RAB40B: variants seen among roughly 807,000 people sequenced by gnomAD.
The protein encoded by RAB40B is RAB40B, member RAS oncogene family.
RAB40B carries 21 observed loss-of-function variants against 24.0 expected under a neutral mutation model. The ratio of observed to expected loss-of-function variants is 0.88; its 90% CI spans 0.62 to 1.26. The LOEUF (loss-of-function observed/expected upper bound fraction) is 1.26, where lower values mean the gene tolerates loss of function less well. Ranked by LOEUF, RAB40B falls within the 50% of genes most tolerant of loss-of-function variation. RAB40B has a pLI of 0.00. For synonymous variants in RAB40B, 167 were observed against 169.8 expected, an observed-to-expected ratio of 0.98 and a Z score of 0.13; for missense variants, 348 against 390.5, an observed-to-expected ratio of 0.89 and a Z score of 0.92.
chr17:82,689,966 C>CAA (rs34923378), intron 1 of RAB40B, among the ~76,000 whole-genome samples: 18,447 of 139,586 alleles, frequency 0.13, 1,318 homozygotes, highest in Middle Eastern at 0.18. Context: ...AACTTCATCT[C>CAA]AAAAAAAAAA....
intron 1 of RAB40B, among the ~76,000 whole-genome samples, chr17:82,666,679 G>C (rs1368558139): frequency 6.6e-6 from 1 of 151,962 alleles, no homozygotes; most frequent in African/African-American, 2.4e-5. Flanking sequence ...CTGTCATTGA[G>C]AACATGGAAA....
In RAB40B at chr17:82,657,838, C is replaced by T. The variant is rs202229377; in HGVS notation, c.*25G>A. On this transcript the variant is annotated 3_prime_UTR_variant, in exon 6 of 6. Coordinates refer to ENST00000571995, the MANE Select transcript of RAB40B (RefSeq NM_006822.3). ...CGCCGAGCTTCTCCTGGAGAGATTC[C>T]GCCGTGTTTCTTTCAGTGCCTTCCT... 9.3e-6 allele frequency: 15 copies of T among 1,610,636 alleles called. No homozygotes were observed. In the East Asian group the frequency reaches 1.1e-4, roughly 12 times the overall value.
chr17:82,674,079 G>A (rs977717192), intron 1 of RAB40B, among the ~76,000 whole-genome samples: 17 of 152,212 alleles, frequency 1.1e-4, no homozygotes, highest in East Asian at 3.8e-4. Context: ...GGTGGCTCGC[G>A]CCTGTAATCC....
rs546095122 is a variant in RAB40B, at chr17:82,657,483, G to A, written c.*380C>T. 2.0e-5 allele frequency: 7 copies of A among 354,910 alleles called. No homozygotes were observed. Among genetic ancestry groups the A allele is most frequent in the Non-Finnish European group, 2.7e-5 (5 of 182,838 alleles). 22.0% of individuals were successfully genotyped at this position (354,910 alleles called of 1,614,324 possible). A position where few individuals can be genotyped will look rare whatever the true frequency, so the allele number is the denominator to read the frequency against. On this transcript the variant is annotated 3_prime_UTR_variant, in exon 6 of 6. Coordinates refer to ENST00000571995, the MANE Select transcript of RAB40B (RefSeq NM_006822.3). ...AATATCAGTGACTCTAAATTATCCC[G>A]CTGCCATTGCTTCTCAAATTCCATT...
intron 2 of RAB40B, 42 bp from the exon 3 acceptor site, chr17:82,661,089 T>TC (rs766461100): frequency 6.2e-7 from 1 of 1,608,106 alleles, no homozygotes; most frequent in Non-Finnish European, 8.5e-7. Context: ...AACCAGTGCT[T>TC]CTTCCTGACA....
rs2046636254 is a variant in RAB40B at position 82,698,458 on chromosome 17, C to T, written c.139G>A (p.Ala47Thr). The T allele has an allele frequency of 6.8e-7, 1 of 1,464,688 alleles. No homozygotes were observed. The highest frequency in any genetic ancestry group is 1.5e-5 in the African/African-American group (1 of 68,048). 90.7% of individuals were successfully genotyped at this position (1,464,688 alleles called of 1,614,324 possible). The stretch of plus-strand genomic sequence containing the variant: ...CACGCCCTCCGCCCGCGCTCACCCG[C>T]CGGGTGGCCGTACGGGGACTCGGCC... ...GAAESPYGHP[A>T]GIDYKTTTIL... Residue 47 changes from alanine (A) to threonine (T), a missense_variant, in exon 1 of 6, where the codon GCG becomes ACG. Around this residue, in one of 3 missense-constraint regions of RAB40B, gnomAD observed 101 missense variants for 85.5 expected, o/e 1.18. Coordinates refer to ENST00000571995, the MANE Select transcript of RAB40B (RefSeq NM_006822.3).
Position 82,660,273 on chromosome 17 carries a change from GCA to G in RAB40B, c.265-618_265-617del, listed in dbSNP as rs575963751. Among the ~76,000 whole-genome samples, 651 of 151,122 alleles carry G rather than the reference GCA, an allele frequency of 4.3e-3. 3 individuals carry two copies. Among genetic ancestry groups the G allele is most frequent in the African/African-American group, 0.01 (430 of 41,028 alleles). ...CACATGCATGCACATAAACAGGCAA[GCA>G]CACACGTACACATTACACACACAAG... is the stretch of plus-strand genomic sequence containing the variant. On this transcript the variant is annotated intron_variant, in intron 3 of 5. Transcript: ENST00000571995.
At chr17:82,668,958 G>A (rs184005426) in intron 1 of RAB40B, among the ~76,000 whole-genome samples, 53 of 152,372 alleles carry the variant, frequency 3.5e-4, no homozygotes, top group African/African-American at 9.4e-4. Context: ...GGCACGCGGC[G>A]TAGCCTCCAT....
intron 1 of RAB40B, among the ~76,000 whole-genome samples, chr17:82,688,751 T>C (rs1235755989): frequency 6.6e-6 from 1 of 151,862 alleles, no homozygotes; most frequent in Non-Finnish European, 1.5e-5. Context: ...CTGGCCAACA[T>C]AGTGAAACCC....
At position 82,657,813 on chromosome 17, in the gene RAB40B, C is replaced by G. The variant is rs752874827; in HGVS notation, c.*50G>C. ...TGCATCCACCAGCTGCCGGGGGTAA[C>G]GCCGAGCTTCTCCTGGAGAGATTCC... On this transcript the variant is annotated 3_prime_UTR_variant, in exon 6 of 6. Coordinates refer to ENST00000571995, the MANE Select transcript of RAB40B (RefSeq NM_006822.3). The G allele has an allele frequency of 6.2e-7, 1 of 1,606,606 alleles. No individual in the cohort carries two copies. Among genetic ancestry groups the G allele is most frequent in the Admixed American group, 1.7e-5 (1 of 59,894 alleles).
chr17:82,681,205 A>G (rs2046446553), intron 1 of RAB40B, among the ~76,000 whole-genome samples: 1 of 152,100 alleles, frequency 6.6e-6, no homozygotes, highest in Non-Finnish European at 1.5e-5. Flanking sequence ...GTGGTAAATG[A>G]GCTCCCCCAC....
intron 1 of RAB40B, among the ~76,000 whole-genome samples, chr17:82,686,855 C>T (rs571102935): frequency 6.6e-6 from 1 of 152,346 alleles, no homozygotes; most frequent in South Asian, 2.1e-4. Flanking sequence ...TCCTCCCGTC[C>T]AGTGCTGGGG....
Position 82,663,654 on chromosome 17 carries a change from T to C in RAB40B, c.203+842A>G, listed in dbSNP as rs538912606. On this transcript the variant is annotated intron_variant, in intron 2 of 5. Transcript: ENST00000571995. This position sits in a 1 kb window ranked among gnomAD's most constrained non-coding sequence, Gnocchi z 6.2. ...TCCTCACCTCCCCACGTCTGGGTCCTCCACCCGCAGGCCCGACCACAGCCC... is the reference window on the plus strand; with the variant it reads ...TCCTCACCTCCCCACGTCTGGGTCCCCCACCCGCAGGCCCGACCACAGCCC... Among the ~76,000 whole-genome samples the C allele has an allele frequency of 6.6e-6, 1 of 152,108 alleles. No homozygotes were observed. Among genetic ancestry groups the C allele is most frequent in the South Asian group, 2.1e-4 (1 of 4,832 alleles).
chr17:82,680,277 G>C (rs1294561742), intron 1 of RAB40B, among the ~76,000 whole-genome samples: 8 of 152,304 alleles, frequency 5.3e-5, no homozygotes, highest in Middle Eastern at 3.4e-3. Context: ...GTGGCCATAG[G>C]ATCCAGTCCT....
chr17:82,697,477 C>G lies in RAB40B; in HGVS notation c.142+978G>C, dbSNP rs1379601450. On this transcript the variant is annotated intron_variant, in intron 1 of 5. Coordinates refer to ENST00000571995, the MANE Select transcript of RAB40B (RefSeq NM_006822.3). The surrounding 1 kb of genome is among the most constrained non-coding windows in gnomAD (Gnocchi z 4.9). ...CATCTCCACGCCCGGCTGCCCTCCT[C>G]CGCCCAGGACTCAGAGCGGGTCTCT... 6.6e-6 allele frequency among the ~76,000 whole-genome samples: 1 copy of G among 152,182 alleles called. No individual in the cohort carries two copies. Among genetic ancestry groups the G allele is most frequent in the Non-Finnish European group, 1.5e-5 (1 of 68,044 alleles).
intron 1 of RAB40B, among the ~76,000 whole-genome samples, chr17:82,673,361 G>T (rs190951428): frequency 2.0e-5 from 3 of 152,270 alleles, no homozygotes. Flanking sequence ...TTTCTTTGGG[G>T]CATCTTTCCA....
At chr17:82,694,839 C>G (rs1340157515) in intron 1 of RAB40B, among the ~76,000 whole-genome samples, 1 of 151,664 alleles carries the variant, frequency 6.6e-6, no homozygotes, top group South Asian at 2.1e-4. Context: ...GCCAAGATAT[C>G]TCTACATTGT....
At chr17:82,658,350 T>C in intron 5 of RAB40B, 141 bp downstream of exon 5, 1 of 1,112,438 alleles carries the variant, frequency 9.0e-7, no homozygotes, top group Non-Finnish European at 1.3e-6. Flanking sequence ...TAGTCATTAC[T>C]TCTCTCAAAT....
chr17:82,665,343 C>G lies in RAB40B; in HGVS notation c.143-787G>C, dbSNP rs920132172. 6.6e-5 allele frequency among the ~76,000 whole-genome samples: 10 copies of G among 152,068 alleles called. 1 individual carries two copies. The highest frequency in any genetic ancestry group is 2.4e-4 in the African/African-American group (10 of 41,402). ...TCACAGCTCACTGCAGCCTCCACAG[C>G]CCAGGCTCAAGTGATCCTCCCACCT... On this transcript the variant is annotated intron_variant, in intron 1 of 5. Transcript: ENST00000571995.
Sources: allele counts gnomAD v4.1 joint callset (sites outside exome capture counted in the v4.1 genomes callset), GRCh38; gene constraint gnomAD v4.1.1; regional missense constraint gnomAD v4.1.1; non-coding constraint Gnocchi (gnomAD v3.1); transcripts MANE v1.5; gene names NCBI Gene and HGNC (gene_info 2026-07-23, HGNC 2026-07-21).